TSPAN9: variants seen among roughly 807,000 people sequenced by gnomAD.
The protein encoded by TSPAN9 is tetraspanin 9, also known as tetraspanin-9.
TSPAN9 carries 16 observed loss-of-function variants against 31.0 expected under a neutral mutation model. That is an observed-to-expected ratio of 0.52 (90% confidence interval 0.35 to 0.78). The LOEUF (loss-of-function observed/expected upper bound fraction) is 0.78. TSPAN9 is among the 30% of genes least tolerant of loss of function. The pLI, the probability that TSPAN9 is intolerant of heterozygous loss-of-function variation, is 0.01. For missense variants in TSPAN9, 272 were observed against 312.5 expected (o/e 0.87, Z 0.98); for synonymous variants, 145 against 121.6 (o/e 1.19, Z -1.27).
chr12:3,175,117 G>T (rs912254832), intron 2 of TSPAN9, among the ~76,000 whole-genome samples: 1 of 129,360 alleles, frequency 7.7e-6, no homozygotes, highest in Non-Finnish European at 1.9e-5. Flanking sequence ...GCAGGGCGAG[G>T]CTGGGGGCAT....
chr12:3,285,976 G>A lies in TSPAN9; in HGVS notation c.*2860G>A, dbSNP rs2153981550. 6.6e-6 allele frequency: 1 copy of A among 152,522 alleles called. No individual in the cohort carries two copies. The allele number at this position is 152,522 out of a possible 1,614,324, so 9.4% of individuals were successfully genotyped here. ...TGTCACCCCCCTCTCCCTCCAGCAT[G>A]GGCCTGTGTCTCAGGCTCTCTGGAA... On this transcript the variant is annotated 3_prime_UTR_variant, in exon 9 of 9. Coordinates refer to ENST00000011898, the MANE Select transcript of TSPAN9 (RefSeq NM_006675.5).
intron 2 of TSPAN9, among the ~76,000 whole-genome samples, chr12:3,130,346 A>C (rs2098329284): frequency 6.6e-6 from 1 of 152,204 alleles, no homozygotes. Flanking sequence ...CCAAATGTTT[A>C]CTTGATCCTC....
chr12:3,269,853 C>G (rs545284638), intron 3 of TSPAN9, among the ~76,000 whole-genome samples: 137 of 152,364 alleles, frequency 9.0e-4, no homozygotes, highest in Non-Finnish European at 1.6e-3. Flanking sequence ...AGCCCCTGGC[C>G]CCACTGCCCA....
chr12:3,240,160 C>A (rs1280775894), intron 3 of TSPAN9, among the ~76,000 whole-genome samples: 5 of 152,118 alleles, frequency 3.3e-5, no homozygotes, highest in African/African-American at 1.2e-4. Flanking sequence ...TCTACTTTCA[C>A]CCCCTGTTTT....
rs184870218 is a variant in TSPAN9, at chr12:3,202,175, C to A, written c.63+919C>A. 4.6e-5 allele frequency among the ~76,000 whole-genome samples: 7 copies of A among 152,360 alleles called. No homozygotes were observed. In the East Asian group the frequency reaches 1.3e-3, roughly 29 times the overall value. ...GGAACATTTGAAAACTTCTTAAATT[C>A]ATCTCGAATCGTTCCTTCATCCCAA... On this transcript the variant is annotated intron_variant, in intron 3 of 8. Transcript: ENST00000011898.
chr12:3,175,063 G>A (rs1057171752), intron 2 of TSPAN9, among the ~76,000 whole-genome samples: 6 of 152,196 alleles, frequency 3.9e-5, no homozygotes, highest in Non-Finnish European at 5.9e-5. Context: ...TGTGTGATAT[G>A]AAGTGTTGCG....
intron 3 of TSPAN9, among the ~76,000 whole-genome samples, chr12:3,259,755 G>A (rs1314651073): frequency 6.6e-6 from 1 of 152,238 alleles, no homozygotes; most frequent in Non-Finnish European, 1.5e-5. Flanking sequence ...CGGGGGTGGC[G>A]AGGAAGGCAG....
intron 2 of TSPAN9, among the ~76,000 whole-genome samples, chr12:3,101,258 G>C (rs2098311728): frequency 6.6e-6 from 1 of 152,122 alleles, no homozygotes; most frequent in African/African-American, 2.4e-5. Context: ...AAGGATTCTA[G>C]GCCATTAGAT....
chr12:3,270,699 C>A (rs1023852945), intron 3 of TSPAN9, among the ~76,000 whole-genome samples: 2 of 152,250 alleles, frequency 1.3e-5, no homozygotes, highest in African/African-American at 4.8e-5. Flanking sequence ...GGCATTTATC[C>A]CACCACGCAG....
At chr12:3,220,954 T>C (rs1414519619) in intron 3 of TSPAN9, among the ~76,000 whole-genome samples, 2 of 152,144 alleles carry the variant, frequency 1.3e-5, no homozygotes, top group Non-Finnish European at 2.9e-5. Flanking sequence ...TTTCCAAAGA[T>C]GCAGAGAGAT....
intron 3 of TSPAN9, among the ~76,000 whole-genome samples, chr12:3,202,329 G>A (rs1418132945): frequency 6.6e-6 from 1 of 152,228 alleles, no homozygotes; most frequent in East Asian, 1.9e-4. Flanking sequence ...AGCACTGGGG[G>A]CAGGAGAAAG....
At chr12:3,078,009 C>A (rs1421833209) in intron 1 of TSPAN9, among the ~76,000 whole-genome samples, 2 of 152,190 alleles carry the variant, frequency 1.3e-5, no homozygotes, top group Non-Finnish European at 2.9e-5. Flanking sequence ...AAAAAACTTT[C>A]TTGTGGTTTT....
rs1162853171 is a variant in TSPAN9 at position 3,226,729 on chromosome 12, T to G, written c.63+25473T>G. On this transcript the variant is annotated intron_variant, in intron 3 of 8. Transcript: ENST00000011898. ...GTGTATGTGTATGTATGTGTGTGTG[T>G]GTGTGTGTGTGTGTGTATATATATA... 3.0e-4 allele frequency among the ~76,000 whole-genome samples: 4 copies of G among 13,362 alleles called. No homozygotes were observed. In the East Asian group the frequency reaches 0.014, roughly 45 times the overall value. 8.8% of individuals were successfully genotyped at this position (13,362 alleles called of 152,430 possible). A position where few individuals can be genotyped will look rare whatever the true frequency, so the allele number is the denominator to read the frequency against.
chr12:3,237,691 T>C (rs975140049), intron 3 of TSPAN9, among the ~76,000 whole-genome samples: 1 of 152,196 alleles, frequency 6.6e-6, no homozygotes, highest in Non-Finnish European at 1.5e-5. Context: ...AGTTTTATGA[T>C]GTAGGGTTTC....
intron 2 of TSPAN9, among the ~76,000 whole-genome samples, chr12:3,132,147 A>G (rs959573355): frequency 6.6e-6 from 1 of 152,004 alleles, no homozygotes; most frequent in Non-Finnish European, 1.5e-5. Context: ...TATGTGCAAT[A>G]TTTTGTTTTT....
Position 3,281,764 on chromosome 12 carries a change from G to A in TSPAN9, c.595G>A (p.Asp199Asn), listed in dbSNP as rs1487802260. ...GCYEKVKMWF[D>N]DNKHVLGTVG... ...CTATGAAAAGGTGAAGATGTGGTTCGATGACAATAAGCACGTGCTGGGCAC... is the reference window on the plus strand; with the variant it reads ...CTATGAAAAGGTGAAGATGTGGTTCAATGACAATAAGCACGTGCTGGGCAC... The change falls in exon 8 of 9, where the codon GAT becomes AAT. Residue 199 changes from aspartate to asparagine, a missense_variant. Asp to Asn is a conservative substitution (Grantham distance 23, BLOSUM62 1). Coordinates refer to ENST00000011898, the MANE Select transcript of TSPAN9 (RefSeq NM_006675.5). 7 of 1,614,020 alleles carry A rather than the reference G, an allele frequency of 4.3e-6. No homozygotes were observed. The highest frequency in any genetic ancestry group is 1.3e-5 in the African/African-American group (1 of 75,054).
chr12:3,191,658 A>T (rs1234539286), intron 2 of TSPAN9, among the ~76,000 whole-genome samples: 1 of 152,014 alleles, frequency 6.6e-6, no homozygotes, highest in Non-Finnish European at 1.5e-5. Context: ...CCCTCCCTTG[A>T]GCTCCTCTGC....
At chr12:3,088,881 G>A (rs1026116738) in intron 2 of TSPAN9, among the ~76,000 whole-genome samples, 2 of 152,084 alleles carry the variant, frequency 1.3e-5, no homozygotes, top group Non-Finnish European at 2.9e-5. Flanking sequence ...GCTCAGGCGC[G>A]GGAGGCTGGT....
chr12:3,101,900 G>C lies in TSPAN9; in HGVS notation c.-18+18181G>C, dbSNP rs544991772. On this transcript the variant is annotated intron_variant, in intron 2 of 8. Coordinates refer to ENST00000011898, the MANE Select transcript of TSPAN9 (RefSeq NM_006675.5). ...TTCCACTGCTCAGGAATATGGCTCT[G>C]AATGGATACTGTCACCCTTGATCTG... Among the ~76,000 whole-genome samples the C allele has an allele frequency of 1.1e-4, 17 of 152,292 alleles. No individual in the cohort carries two copies. The South Asian group carries it at 3.3e-3, about 30-fold the overall frequency.
Sources: allele counts gnomAD v4.1 joint callset (sites outside exome capture counted in the v4.1 genomes callset), GRCh38; gene constraint gnomAD v4.1.1; transcripts MANE v1.5; gene names NCBI Gene and HGNC (gene_info 2026-07-23, HGNC 2026-07-21).